The following FGD4 variants were observed in gnomAD, a reference collection of about 807,000 sequenced individuals.
FGD4 encodes FYVE, RhoGEF and PH domain-containing protein 4.
FGD4 carries 42 observed loss-of-function variants against 102.0 expected under a neutral mutation model. That is an observed-to-expected ratio of 0.41 (90% CI 0.32 to 0.53). FGD4 has a LOEUF of 0.53. Ranked by LOEUF, FGD4 falls within the 20% of genes least tolerant of loss-of-function variation. FGD4 has a pLI of 0.21. For synonymous variants in FGD4, 380 were observed against 375.7 expected, an observed-to-expected ratio of 1.01 and a Z score of -0.13; for missense variants, 902 against 1,078.2, an observed-to-expected ratio of 0.84 and a Z score of 2.29.
intron 1 of FGD4, among the ~76,000 whole-genome samples, chr12:32,410,937 T>C (rs899772754): frequency 9.4e-5 from 14 of 149,192 alleles, no homozygotes; most frequent in Non-Finnish European, 1.9e-4. Context: ...TTTTCTTTTT[T>C]TTTTTTTTTT....
chr12:32,599,230 C>G (rs61926189), intron 5 of FGD4, among the ~76,000 whole-genome samples: 1,702 of 151,748 alleles, frequency 0.011, 19 homozygotes, highest in South Asian at 0.056. Context: ...CGCGGTGGCT[C>G]ACGCCTGTAA....
chr12:32,585,222 TTATATATATATATA>T (rs140227421), intron 4 of FGD4, among the ~76,000 whole-genome samples: 8,902 of 116,136 alleles, frequency 0.077, 1,101 homozygotes, highest in African/African-American at 0.26. Flanking sequence ...CTCAAAAATT[TTATATATATATATA>T]TATATATATA....
chr12:32,405,574 T>A (rs1940900006), intron 1 of FGD4, among the ~76,000 whole-genome samples: 1 of 152,118 alleles, frequency 6.6e-6, no homozygotes, highest in African/African-American at 2.4e-5. Flanking sequence ...AGTGGTCTTT[T>A]AATGAATAGC....
At chr12:32,495,261 C>T (rs1937724878) in intron 1 of FGD4, among the ~76,000 whole-genome samples, 1 of 152,160 alleles carries the variant, frequency 6.6e-6, no homozygotes, top group Non-Finnish European at 1.5e-5. Context: ...GTTGTTTTGT[C>T]ACATACTCTA....
chr12:32,498,122 G>A (rs770066798), intron 1 of FGD4, among the ~76,000 whole-genome samples: 9 of 152,150 alleles, frequency 5.9e-5, no homozygotes, highest in African/African-American at 1.7e-4. Flanking sequence ...GGGAGTTGTC[G>A]TTGGACTTTG....
At chr12:32,576,557 A>G in intron 3 of FGD4, 108 bp downstream of exon 3, 1 of 1,302,988 alleles carries the variant, frequency 7.7e-7, no homozygotes, top group Non-Finnish European at 1.1e-6. Flanking sequence ...ATCTTATTCC[A>G]TTAGGTTTGG....
chr12:32,556,482 T>A (rs979250308), intron 1 of FGD4, among the ~76,000 whole-genome samples: 1 of 152,130 alleles, frequency 6.6e-6, no homozygotes, highest in South Asian at 2.1e-4. Flanking sequence ...AGTGGAATTA[T>A]ACAGTATTTC....
At chr12:32,470,581 G>C (rs34382604) in intron 1 of FGD4, among the ~76,000 whole-genome samples, 14,497 of 149,272 alleles carry the variant, frequency 0.097, 866 homozygotes, top group Middle Eastern at 0.29. Flanking sequence ...AGCCTCCCTA[G>C]TAGCTGGGAG....
intron 1 of FGD4, chr12:32,534,393 G>C (rs1942059276): frequency 1.3e-5 from 20 of 1,494,984 alleles, no homozygotes; most frequent in Non-Finnish European, 1.7e-5. Flanking sequence ...ACAGCCAGGA[G>C]TGAGATTTTA....
intron 2 of FGD4, among the ~76,000 whole-genome samples, chr12:32,572,563 C>G (rs563094236): frequency 6.6e-6 from 1 of 152,186 alleles, no homozygotes; most frequent in African/African-American, 2.4e-5. Context: ...CCATTCTCAT[C>G]GTCTGTAATG....
At chr12:32,473,883 C>G (rs557782335) in intron 1 of FGD4, among the ~76,000 whole-genome samples, 97 of 151,920 alleles carry the variant, frequency 6.4e-4, no homozygotes, top group African/African-American at 1.8e-3. Context: ...GTCAGGAGAT[C>G]GAGACCATCA....
At chr12:32,577,934 A>G (rs1056480322) in intron 3 of FGD4, among the ~76,000 whole-genome samples, 2 of 152,142 alleles carry the variant, frequency 1.3e-5, no homozygotes, top group African/African-American at 4.8e-5. Flanking sequence ...AAGCCTGGAA[A>G]GGGTCAGTAT....
At chr12:32,486,248 C>A in intron 1 of FGD4, 1 of 1,075,352 alleles carries the variant, frequency 9.3e-7, no homozygotes, top group Non-Finnish European at 1.3e-6. Flanking sequence ...TGGTATTTCT[C>A]TTTGTTTACT....
chr12:32,425,810 C>T (rs1941811014), intron 1 of FGD4, among the ~76,000 whole-genome samples: 1 of 152,078 alleles, frequency 6.6e-6, no homozygotes, highest in African/African-American at 2.4e-5. Flanking sequence ...AGATGTATTC[C>T]TAGGTATTTT....
At chr12:32,590,951 G>A (rs1947424488) in intron 4 of FGD4, among the ~76,000 whole-genome samples, 1 of 152,154 alleles carries the variant, frequency 6.6e-6, no homozygotes, top group African/African-American at 2.4e-5. Flanking sequence ...ATGTCCTTGT[G>A]ATCTAATTTT....
At chr12:32,495,029 T>G (rs752855732) in intron 1 of FGD4, among the ~76,000 whole-genome samples, 1 of 152,208 alleles carries the variant, frequency 6.6e-6, no homozygotes, top group Admixed American at 6.5e-5. Flanking sequence ...GTCAATTGTT[T>G]GTCATTCTGT....
chr12:32,560,893 T>C (rs571273172), intron 1 of FGD4, among the ~76,000 whole-genome samples: 14 of 152,070 alleles, frequency 9.2e-5, no homozygotes, highest in Non-Finnish European at 1.5e-4. Flanking sequence ...CAGGGTCTTA[T>C]GTTGCCCAGG....
chr12:32,624,398 C>G (rs1473041912), intron 11 of FGD4, 24 bp from the exon 12 acceptor site: 1 of 1,543,394 alleles, frequency 6.5e-7, no homozygotes, highest in Non-Finnish European at 8.9e-7. Context: ...TATTTACATT[C>G]ACTTTAATTT....
intron 2 of FGD4, among the ~76,000 whole-genome samples, chr12:32,565,645 A>G (rs189599013): frequency 2.7e-4 from 41 of 152,266 alleles, no homozygotes; most frequent in East Asian, 1.5e-3. Flanking sequence ...TTGTTTTCCA[A>G]CGTCAGTGTA....
Sources: allele counts gnomAD v4.1 joint callset (sites outside exome capture counted in the v4.1 genomes callset), GRCh38; gene constraint gnomAD v4.1.1; transcripts MANE v1.5; gene names NCBI Gene and HGNC (gene_info 2026-07-23, HGNC 2026-07-21).